Variants in AQP2 observed in about 807,000 individuals in gnomAD.
The protein encoded by AQP2 is aquaporin-2.
A neutral mutation model predicts 21.6 loss-of-function variants in AQP2; 20 were observed. The ratio of observed to expected loss-of-function variants is 0.92; its 90% CI spans 0.65 to 1.34. The LOEUF is 1.34. Ranked by LOEUF, AQP2 falls within the 40% of genes most tolerant of loss-of-function variation. AQP2 has a pLI of 0.00. For synonymous variants in AQP2, 168 were observed against 166.9 expected (o/e 1.01, Z -0.05); for missense variants, 325 against 363.4 (o/e 0.89, Z 0.86).
At chr12:49,954,493 C>A in intron 2 of AQP2, 137 bp from the exon 3 acceptor site, 3 of 1,268,664 alleles carry the variant, frequency 2.4e-6, no homozygotes, top group Admixed American at 1.8e-5. Context: ...TCCAGCCCAT[C>A]TGTAAATAAA....
intron 3 of AQP2, 43 bp downstream of exon 3, chr12:49,954,753 A>C (rs756167394): frequency 4.4e-6 from 7 of 1,578,910 alleles, no homozygotes; most frequent in Non-Finnish European, 5.2e-6. Context: ...CTAGAAACCC[A>C]TTTTAGAGGG....
rs200279968 is a variant in AQP2, at chr12:49,951,019, C to T, written c.189C>T (p.Ser63=). The T allele has an allele frequency of 7.3e-5, 118 of 1,613,992 alleles. No homozygotes were observed. The East Asian group carries it at 2.4e-3, about 33-fold the overall frequency. ...TGGTACAGGCTCTGGGCCACATAAG[C>T]GGGGCCCACATCAACCCTGCCGTGA... ...GTLVQALGHI[S]GAHINPAVTV... Residue 63 remains serine, a synonymous_variant, in exon 1 of 4, where the codon AGC becomes AGT. Transcript: ENST00000199280.
At chr12:49,954,772 A>G in intron 3 of AQP2, 62 bp downstream of exon 3, 1 of 1,544,760 alleles carries the variant, frequency 6.5e-7, no homozygotes, top group East Asian at 2.2e-5. Context: ...GGAGAACAAG[A>G]GCTGGAATAG....
At chr12:49,952,445 G>T (rs1407839648) in intron 1 of AQP2, among the ~76,000 whole-genome samples, 1 of 152,202 alleles carries the variant, frequency 6.6e-6, no homozygotes, top group Admixed American at 6.5e-5. Context: ...AAGGCTGGGG[G>T]CCAGGGGCCA....
At chr12:49,954,548 G>C in intron 2 of AQP2, 82 bp from the exon 3 acceptor site, 1 of 1,523,772 alleles carries the variant, frequency 6.6e-7, no homozygotes, top group Non-Finnish European at 9.1e-7. Flanking sequence ...TTAGGCTGAG[G>C]TCAAGCACTG....
At position 49,957,551 on chromosome 12, in the gene AQP2, C is replaced by T. The variant is rs140601595; in HGVS notation, c.*1943C>T. The T allele has an allele frequency of 1.3e-5, 2 of 152,288 alleles. No homozygotes were observed. Among genetic ancestry groups the T allele is most frequent in the African/African-American group, 4.8e-5 (2 of 41,444 alleles). The allele number at this position is 152,288 out of a possible 1,614,324, so 9.4% of individuals were successfully genotyped here. ...TCCAAGAAAGACAGTGTATAAGGAACATCTCTGTAATTGTGTCCCCTCTCA... is the reference window on the plus strand; with the variant it reads ...TCCAAGAAAGACAGTGTATAAGGAATATCTCTGTAATTGTGTCCCCTCTCA... On this transcript the variant is annotated 3_prime_UTR_variant, in exon 4 of 4. Coordinates refer to ENST00000199280, the MANE Select transcript of AQP2 (RefSeq NM_000486.6).
Position 49,950,849 on chromosome 12 carries a change from A to G in AQP2, c.19A>G (p.Ile7Val), listed in dbSNP as rs1278004193. The change falls in exon 1 of 4, where the codon ATA (isoleucine) becomes GTA (valine). Residue 7 changes from isoleucine to valine, a missense_variant. Transcript: ENST00000199280. ...CTGCAGCATGTGGGAGCTCCGCTCCATAGCCTTCTCCAGGGCTGTGTTCGC... is the reference window on the plus strand; with the variant it reads ...CTGCAGCATGTGGGAGCTCCGCTCCGTAGCCTTCTCCAGGGCTGTGTTCGC... Reference protein sequence around the residue: MWELRSIAFSRAVFAEF... With the variant: MWELRSVAFSRAVFAEF... 1 of 1,612,798 alleles carries G rather than the reference A, an allele frequency of 6.2e-7. No homozygotes were observed. Among genetic ancestry groups the G allele is most frequent in the Non-Finnish European group, 8.5e-7 (1 of 1,179,094 alleles).
rs1167778597 is a variant in AQP2, at chr12:49,957,785, A to G, written c.*2177A>G. ...TGGCACCTGAGTGTCCTTGCTCTAG[A>G]GGTTCAAAGGCAGCAAGGCAGTGAG... On this transcript the variant is annotated 3_prime_UTR_variant, in exon 4 of 4. Coordinates refer to ENST00000199280, the MANE Select transcript of AQP2 (RefSeq NM_000486.6). The G allele has an allele frequency of 6.6e-6, 1 of 152,168 alleles. No individual in the cohort carries two copies. Among genetic ancestry groups the G allele is most frequent in the Non-Finnish European group, 1.5e-5 (1 of 68,038 alleles). The allele number at this position is 152,168 out of a possible 1,614,324, so 9.4% of individuals were successfully genotyped here.
chr12:49,957,075 AT>A lies in AQP2; in HGVS notation c.*1469del, dbSNP rs1420183889. 1 of 152,676 alleles carries A rather than the reference AT, an allele frequency of 6.5e-6. No individual in the cohort carries two copies. Among genetic ancestry groups the A allele is most frequent in the African/African-American group, 2.4e-5 (1 of 41,480 alleles). The allele number at this position is 152,676 out of a possible 1,614,324, so 9.5% of individuals were successfully genotyped here. On this transcript the variant is annotated 3_prime_UTR_variant, in exon 4 of 4. Transcript: ENST00000199280. ...TGTGTAAACTGTAATTCTTAATACCATTATCACGCATTACTAGAATCATTTC... is the reference window on the plus strand; with the variant it reads ...TGTGTAAACTGTAATTCTTAATACCATATCACGCATTACTAGAATCATTTC...
At chr12:49,953,326 A>C (rs1947342789) in intron 1 of AQP2, among the ~76,000 whole-genome samples, 1 of 152,228 alleles carries the variant, frequency 6.6e-6, no homozygotes, top group Non-Finnish European at 1.5e-5. Context: ...TGCAGTGCCC[A>C]GCCCCAGAAG....
At chr12:49,954,384 G>C in intron 2 of AQP2, 65 bp downstream of exon 2, 1 of 1,528,132 alleles carries the variant, frequency 6.5e-7, no homozygotes, top group East Asian at 2.3e-5. Context: ...TCCAGAGACA[G>C]ACACAGAGAC....
chr12:49,950,928 A>G lies in AQP2; in HGVS notation c.98A>G (p.Asn33Ser). 6.2e-7 allele frequency: 1 copy of G among 1,614,162 alleles called. No individual in the cohort carries two copies. The highest frequency in any genetic ancestry group is 8.5e-7 in the Non-Finnish European group (1 of 1,180,012). ...FVFFGLGSAL[N>S]WPQALPSVLQ... ...TTCTTTGGCCTCGGCTCTGCCCTCA[A>G]CTGGCCACAGGCCCTGCCCTCTGTG... is the stretch of plus-strand genomic sequence containing the variant. Residue 33 changes from asparagine (N) to serine (S), a missense_variant, in exon 1 of 4, where the codon AAC (asparagine) becomes AGC (serine). Physicochemically the swap from Asn to Ser is conservative, Grantham distance 46. Transcript: ENST00000199280.
At chr12:49,955,368 G>C in intron 3 of AQP2, 31 bp from the exon 4 acceptor site, 2 of 1,604,884 alleles carry the variant, frequency 1.2e-6, no homozygotes, top group Non-Finnish European at 1.7e-6. Context: ...GCCGGCGCGG[G>C]TGCCAAGCCG....
In AQP2 at chr12:49,956,020, G is replaced by A; in HGVS notation, c.*412G>A. 3 of 331,866 alleles carry A rather than the reference G, an allele frequency of 9.0e-6. No homozygotes were observed. In the South Asian group the frequency reaches 9.6e-5, roughly 11 times the overall value. The allele number at this position is 331,866 out of a possible 1,614,324, so 20.6% of individuals were successfully genotyped here. On this transcript the variant is annotated 3_prime_UTR_variant, in exon 4 of 4. Transcript: ENST00000199280. ...ACTGGTTTTACTAGTGTGCAAGTGT[G>A]TTCATCCCCAAGTTCTCTTTTGTCC...
rs931508607 is a variant in AQP2 at position 49,957,411 on chromosome 12, C to G, written c.*1803C>G. ...CCTTGAACCCCCCTCCGCCCCCATGCTCTCTGTGGCCTCCATGCCTTCAAG... is the reference window on the plus strand; with the variant it reads ...CCTTGAACCCCCCTCCGCCCCCATGGTCTCTGTGGCCTCCATGCCTTCAAG... On this transcript the variant is annotated 3_prime_UTR_variant, in exon 4 of 4. Coordinates refer to ENST00000199280, the MANE Select transcript of AQP2 (RefSeq NM_000486.6). The G allele has an allele frequency of 5.9e-5, 9 of 152,518 alleles. No homozygotes were observed. The highest frequency in any genetic ancestry group is 5.2e-4 in the Admixed American group (8 of 15,290). 9.4% of individuals were successfully genotyped at this position (152,518 alleles called of 1,614,324 possible).
Position 49,950,852 on chromosome 12 carries a change from G to C in AQP2, c.22G>C (p.Ala8Pro). 1 of 1,612,876 alleles carries C rather than the reference G, an allele frequency of 6.2e-7. No individual in the cohort carries two copies. The highest frequency in any genetic ancestry group is 1.1e-5 in the South Asian group (1 of 91,078). ...CAGCATGTGGGAGCTCCGCTCCATAGCCTTCTCCAGGGCTGTGTTCGCAGA... is the reference window on the plus strand; with the variant it reads ...CAGCATGTGGGAGCTCCGCTCCATACCCTTCTCCAGGGCTGTGTTCGCAGA... Reference protein sequence around the residue: MWELRSIAFSRAVFAEFL... With the variant: MWELRSIPFSRAVFAEFL... Residue 8 changes from alanine to proline, a missense_variant, in exon 1 of 4, where the codon GCC (alanine) becomes CCC (proline). Physicochemically the swap from Ala to Pro is conservative, Grantham distance 27. Transcript: ENST00000199280.
chr12:49,956,658 C>G lies in AQP2; in HGVS notation c.*1050C>G, dbSNP rs770864493. 1 of 152,202 alleles carries G rather than the reference C, an allele frequency of 6.6e-6. No homozygotes were observed. Among genetic ancestry groups the G allele is most frequent in the Non-Finnish European group, 1.5e-5 (1 of 68,062 alleles). The allele number at this position is 152,202 out of a possible 1,614,324, so 9.4% of individuals were successfully genotyped here. On this transcript the variant is annotated 3_prime_UTR_variant, in exon 4 of 4. Transcript: ENST00000199280. Reference sequence around the variant, plus strand: ...CCTAGACACTTCTTGAAAGGAGACACTCAGTTTCACAAGTGAGCCCTCTTG... The same window carrying G: ...CCTAGACACTTCTTGAAAGGAGACAGTCAGTTTCACAAGTGAGCCCTCTTG...
intron 3 of AQP2, among the ~76,000 whole-genome samples, chr12:49,955,191 G>T (rs1303539866): frequency 3.9e-5 from 6 of 152,196 alleles, no homozygotes; most frequent in Non-Finnish European, 1.5e-5. Context: ...ACACACACAG[G>T]CAGTGGCTTC....
At position 49,954,526 on chromosome 12, in the gene AQP2, C is replaced by T. The variant is rs575607471; in HGVS notation, c.526-104C>T. On this transcript the variant is annotated intron_variant, in intron 2 of 3. Coordinates refer to ENST00000199280, the MANE Select transcript of AQP2 (RefSeq NM_000486.6). ...AAAACGTGATGTTAATTGTCCATCA[C>T]GTGGGTTCCCTTTAGGCTGAGGTCA... The T allele has an allele frequency of 2.2e-5, 31 of 1,391,072 alleles. 1 individual carries two copies. In the East Asian group the frequency reaches 4.6e-4, roughly 21 times the overall value. The allele number at this position is 1,391,072 out of a possible 1,614,324, so 86.2% of individuals were successfully genotyped here.
Sources: allele counts gnomAD v4.1 joint callset (sites outside exome capture counted in the v4.1 genomes callset), GRCh38; gene constraint gnomAD v4.1.1; transcripts MANE v1.5; gene names NCBI Gene and HGNC (gene_info 2026-07-23, HGNC 2026-07-21).